The following PHACTR3 variants were observed in gnomAD, a reference collection of about 807,000 sequenced individuals.
PHACTR3 encodes the protein protein phosphatase 1, regulatory subunit 123.
Under a neutral mutation model 66.8 loss-of-function variants are expected in PHACTR3, and 16 were observed. The observed-to-expected ratio is 0.24, with a 90% CI of 0.16 to 0.36. The LOEUF (loss-of-function observed/expected upper bound fraction) is 0.36, where lower values mean the gene tolerates loss of function less well. Ranked by LOEUF, PHACTR3 falls within the 10% of genes least tolerant of loss-of-function variation. PHACTR3 has a pLI of 1.00. For synonymous variants in PHACTR3, 323 were observed against 292.1 expected (o/e 1.11, Z -1.08); for missense variants, 647 against 719.9 (o/e 0.90, Z 1.16).
chr20:59,813,051 T>C (rs2041784257), intron 8 of PHACTR3, among the ~76,000 whole-genome samples: 1 of 152,212 alleles, frequency 6.6e-6, no homozygotes, highest in African/African-American at 2.4e-5. Context: ...ACACTATAGC[T>C]AAAGGCCAGT....
At chr20:59,688,731 G>C (rs1222525374) in intron 1 of PHACTR3, among the ~76,000 whole-genome samples, 1 of 151,488 alleles carries the variant, frequency 6.6e-6, no homozygotes, top group South Asian at 2.1e-4. Flanking sequence ...GTGTTACATC[G>C]TTGTTTGGAA....
chr20:59,772,517 G>T (rs2040393799), intron 5 of PHACTR3, among the ~76,000 whole-genome samples: 1 of 152,190 alleles, frequency 6.6e-6, no homozygotes, highest in African/African-American at 2.4e-5. Context: ...CTAAGGAAAT[G>T]GTATTCTAGC....
chr20:59,722,147 G>A (rs950354860), intron 1 of PHACTR3, among the ~76,000 whole-genome samples: 4 of 152,226 alleles, frequency 2.6e-5, no homozygotes, highest in African/African-American at 4.8e-5. Flanking sequence ...CAGGAGAATG[G>A]TGTGAACCTG....
chr20:59,599,724 A>G (rs904316188), upstream of PHACTR3, among the ~76,000 whole-genome samples: 9 of 152,208 alleles, frequency 5.9e-5, no homozygotes, highest in African/African-American at 2.2e-4. Context: ...CCCTGGAGGT[A>G]TCCTTGACTT....
chr20:59,835,691 TTA>T (rs777903194), intron 8 of PHACTR3, among the ~76,000 whole-genome samples: 9 of 152,120 alleles, frequency 5.9e-5, no homozygotes, highest in African/African-American at 9.7e-5. Context: ...GACAAGCCCT[TTA>T]TGTTTTTTGG....
At position 59,747,745 on chromosome 20, in the gene PHACTR3, G is replaced by C. The variant is rs759363781; in HGVS notation, c.281-13G>C. 3.1e-6 allele frequency: 5 copies of C among 1,613,476 alleles called. No individual in the cohort carries two copies. Among genetic ancestry groups the C allele is most frequent in the Non-Finnish European group, 3.4e-6 (4 of 1,179,732 alleles). ...TTGCCTGAGACTCACCTGTGTGTTTGTGTGTTGGGCAGCGCTGGAGAAGAA... is the reference window on the plus strand; with the variant it reads ...TTGCCTGAGACTCACCTGTGTGTTTCTGTGTTGGGCAGCGCTGGAGAAGAA... On this transcript the variant is annotated splice_polypyrimidine_tract_variant and intron_variant, in intron 2 of 12. Coordinates refer to ENST00000371015, the MANE Select transcript of PHACTR3 (RefSeq NM_080672.5).
At position 59,646,939 on chromosome 20, in the gene PHACTR3, C is replaced by T. The variant is rs571249474; in HGVS notation, c.118+41807C>T. Among the ~76,000 whole-genome samples, 7 of 152,262 alleles carry T rather than the reference C, an allele frequency of 4.6e-5. No homozygotes were observed. The East Asian group carries it at 1.4e-3, about 29-fold the overall frequency. On this transcript the variant is annotated intron_variant, in intron 1 of 12. Coordinates refer to ENST00000371015, the MANE Select transcript of PHACTR3 (RefSeq NM_080672.5). Reference sequence around the variant, plus strand: ...AAGCCCAAGGTGGGACCAGGCAGGGCTCATTAAAGGGATTTTTGTCTTTAA... The same window carrying T: ...AAGCCCAAGGTGGGACCAGGCAGGGTTCATTAAAGGGATTTTTGTCTTTAA...
At chr20:59,825,002 C>G (rs1275027115) in intron 8 of PHACTR3, among the ~76,000 whole-genome samples, 1 of 152,240 alleles carries the variant, frequency 6.6e-6, no homozygotes, top group Non-Finnish European at 1.5e-5. Context: ...CTGTGTCCCA[C>G]AAGCCCAGAA....
chr20:59,710,210 C>A (rs966213979), intron 1 of PHACTR3, among the ~76,000 whole-genome samples: 2 of 152,100 alleles, frequency 1.3e-5, no homozygotes, highest in Middle Eastern at 3.2e-3. Flanking sequence ...ACAAAAAGCC[C>A]CATTTATTCA....
chr20:59,771,310 G>A (rs2040352915), intron 5 of PHACTR3, among the ~76,000 whole-genome samples: 1 of 152,084 alleles, frequency 6.6e-6, no homozygotes, highest in South Asian at 2.1e-4. Context: ...CGTGTGCTCA[G>A]GAGTGGGGCA....
At chr20:59,847,069 T>TAGAAATGAATAACCTTA (rs760392808) in intron 12 of PHACTR3, 46 bp from the exon 13 acceptor site, 3 of 1,386,520 alleles carry the variant, frequency 2.2e-6, no homozygotes, top group Non-Finnish European at 3.0e-6. Flanking sequence ...TTTTAACTGC[T>TAGAAATGAATAACCTTA]AGAAATGAAT....
intron 7 of PHACTR3, among the ~76,000 whole-genome samples, chr20:59,776,776 G>GCC (rs2040553833): frequency 2.6e-5 from 4 of 152,226 alleles, no homozygotes; most frequent in Non-Finnish European, 5.9e-5. Flanking sequence ...GCGTGGTTGA[G>GCC]ACACAGAGTT....
intron 1 of PHACTR3, among the ~76,000 whole-genome samples, chr20:59,605,643 CG>C (rs1440382122): frequency 1.3e-5 from 2 of 152,188 alleles, no homozygotes; most frequent in African/African-American, 4.8e-5. Flanking sequence ...CGCTAGCCCC[CG>C]GACAGGTGTG....
intron 12 of PHACTR3, among the ~76,000 whole-genome samples, chr20:59,845,785 G>A (rs1470066305): frequency 6.6e-6 from 1 of 152,126 alleles, no homozygotes; most frequent in African/African-American, 2.4e-5. Context: ...GATAAAGGAG[G>A]CTCCCATCTT....
intron 8 of PHACTR3, among the ~76,000 whole-genome samples, chr20:59,833,018 G>C (rs1312960082): frequency 6.6e-6 from 1 of 152,146 alleles, no homozygotes; most frequent in Non-Finnish European, 1.5e-5. Flanking sequence ...GGAGGGTCTT[G>C]GGGCCCACAG....
chr20:59,734,089 CTCT>C (rs1198493647), intron 1 of PHACTR3, among the ~76,000 whole-genome samples: 2 of 152,004 alleles, frequency 1.3e-5, no homozygotes, highest in African/African-American at 4.8e-5. Flanking sequence ...AGCCACACAG[CTCT>C]TCTTGGTCAG....
chr20:59,685,673 C>T (rs560315468), intron 1 of PHACTR3, among the ~76,000 whole-genome samples: 6 of 152,326 alleles, frequency 3.9e-5, no homozygotes, highest in East Asian at 1.9e-4. Context: ...TTGCCTCTAC[C>T]GTGCTGTCTC....
intron 1 of PHACTR3, among the ~76,000 whole-genome samples, chr20:59,706,755 C>A (rs1188725607): frequency 6.6e-6 from 1 of 152,158 alleles, no homozygotes; most frequent in Non-Finnish European, 1.5e-5. Flanking sequence ...CCAGAACAAC[C>A]AGAGGACCTT....
intron 1 of PHACTR3, among the ~76,000 whole-genome samples, chr20:59,593,654 A>G (rs2033249044): frequency 6.6e-6 from 1 of 152,152 alleles, no homozygotes; most frequent in Non-Finnish European, 1.5e-5. Flanking sequence ...GTTCTATGAT[A>G]TATTTTGAAT....
Sources: allele counts gnomAD v4.1 joint callset (sites outside exome capture counted in the v4.1 genomes callset), GRCh38; gene constraint gnomAD v4.1.1; transcripts MANE v1.5; gene names NCBI Gene and HGNC (gene_info 2026-07-23, HGNC 2026-07-21).